The following SLC39A8 variants were observed in gnomAD, a reference collection of about 807,000 sequenced individuals.
SLC39A8 encodes metal cation symporter ZIP8.
Under a neutral mutation model 40.4 loss-of-function variants are expected in SLC39A8, and 15 were observed. The ratio of observed to expected loss-of-function variants is 0.37; its 90% confidence interval spans 0.25 to 0.57. The LOEUF (loss-of-function observed/expected upper bound fraction) is 0.57. Ranked by LOEUF, SLC39A8 falls within the 20% of genes least tolerant of loss-of-function variation. The pLI, the probability that SLC39A8 is intolerant of heterozygous loss-of-function variation, is 0.75. For missense variants in SLC39A8, 472 were observed against 558.8 expected (o/e 0.84, Z 1.57); for synonymous variants, 223 against 221.6 (o/e 1.01, Z -0.06).
chr4:102,326,179 C>G (rs1409850880), intron 2 of SLC39A8, among the ~76,000 whole-genome samples: 3 of 152,172 alleles, frequency 2.0e-5, no homozygotes, highest in African/African-American at 7.2e-5. Context: ...TTGATGTACA[C>G]CAAGGGTTTC....
Position 102,345,016 on chromosome 4 carries a change from C to G in SLC39A8, c.-253-101G>C, listed in dbSNP as rs1736115966. The G allele has an allele frequency of 7.0e-6, 5 of 716,792 alleles. No homozygotes were observed. In the South Asian group the frequency reaches 3.1e-4, roughly 45 times the overall value. 44.4% of individuals were successfully genotyped at this position (716,792 alleles called of 1,614,324 possible). A position where few individuals can be genotyped will look rare whatever the true frequency, so the allele number is the denominator to read the frequency against. On this transcript the variant is annotated intron_variant, in intron 1 of 8. Coordinates refer to ENST00000356736, the MANE Select transcript of SLC39A8 (RefSeq NM_001135146.2). Reference sequence around the variant, plus strand: ...GTGGCAGTAGCCCTCAAACGCCCGGCCGGGCATGGGGCCAGACGCCCCGGA... The same window carrying G: ...GTGGCAGTAGCCCTCAAACGCCCGGGCGGGCATGGGGCCAGACGCCCCGGA...
intron 6 of SLC39A8, among the ~76,000 whole-genome samples, chr4:102,292,868 T>A (rs1733511085): frequency 6.6e-6 from 1 of 152,052 alleles, no homozygotes; most frequent in African/African-American, 2.4e-5. Context: ...TTTCATTTAA[T>A]CCTCATAATA....
chr4:102,340,062 A>G (rs1044146251), intron 2 of SLC39A8, among the ~76,000 whole-genome samples: 2 of 152,212 alleles, frequency 1.3e-5, no homozygotes, highest in Non-Finnish European at 2.9e-5. Flanking sequence ...CATTATAATT[A>G]TATGTGCATA....
At chr4:102,289,607 G>A (rs1442371122) in intron 6 of SLC39A8, among the ~76,000 whole-genome samples, 1 of 152,106 alleles carries the variant, frequency 6.6e-6, no homozygotes, top group East Asian at 1.9e-4. Flanking sequence ...ATGGGAGGAG[G>A]TCAAAATATC....
chr4:102,305,919 TAGA>T (rs1734153133), intron 4 of SLC39A8, among the ~76,000 whole-genome samples: 1 of 152,006 alleles, frequency 6.6e-6, no homozygotes, highest in African/African-American at 2.4e-5. Context: ...TGAAGCAGAA[TAGA>T]AGATGTCTGG....
intron 2 of SLC39A8, among the ~76,000 whole-genome samples, chr4:102,338,186 C>CTTTTTTTTTT (rs568941438): frequency 7.6e-6 from 1 of 131,220 alleles, no homozygotes; most frequent in Non-Finnish European, 1.7e-5. Context: ...CATCTTATTT[C>CTTTTTTTTTT]TTTTTTTTTT....
chr4:102,267,394 T>C, intron 8 of SLC39A8, 96 bp downstream of exon 8: 3 of 1,141,538 alleles, frequency 2.6e-6, no homozygotes, highest in African/African-American at 1.6e-5. Flanking sequence ...CCTTCCACAC[T>C]GCGGAAAGCA....
At chr4:102,308,065 T>C (rs1055244337) in intron 3 of SLC39A8, among the ~76,000 whole-genome samples, 2 of 151,954 alleles carry the variant, frequency 1.3e-5, no homozygotes, top group African/African-American at 4.8e-5. Context: ...TGGGTCACAG[T>C]GAGCTAGCTT....
At chr4:102,253,278 A>G in exon 12 of SLC39A8, 1 of 471,740 alleles carries the variant, frequency 2.1e-6, no homozygotes, top group Non-Finnish European at 3.9e-6. Flanking sequence ...TATCTTCCTT[A>G]CTCCTTTTGA....
rs1731891200 is a variant in SLC39A8, at chr4:102,262,107, G to A, written c.*937C>T. On this transcript the variant is annotated 3_prime_UTR_variant, in exon 9 of 9. Transcript: ENST00000356736. ...GTTTTCCAGTTAATCTGTCCTTGAT[G>A]TACAGCAGTCCAGCTGTTGTTTTGC... 3 of 985,810 alleles carry A rather than the reference G, an allele frequency of 3.0e-6. No individual in the cohort carries two copies. Among genetic ancestry groups the A allele is most frequent in the South Asian group, 9.4e-5 (2 of 21,288 alleles). The allele number at this position is 985,810 out of a possible 1,614,324, so 61.1% of individuals were successfully genotyped here.
chr4:102,257,844 T>G (rs1167525858), downstream of SLC39A8, among the ~76,000 whole-genome samples: 1 of 152,224 alleles, frequency 6.6e-6, no homozygotes, highest in Non-Finnish European at 1.5e-5. Context: ...CAGAATTCCT[T>G]TAGCACCCAT....
chr4:102,307,617 A>G lies in SLC39A8; in HGVS notation c.383-12T>C. On this transcript the variant is annotated splice_polypyrimidine_tract_variant and intron_variant, in intron 3 of 8. Coordinates refer to ENST00000356736, the MANE Select transcript of SLC39A8 (RefSeq NM_001135146.2). ...TCCATATCCCCAAACTGTGGGTCAGAGGGAAAAGAGAGTAGAAATTAATCA... is the reference window on the plus strand; with the variant it reads ...TCCATATCCCCAAACTGTGGGTCAGGGGGAAAAGAGAGTAGAAATTAATCA... 6.2e-7 allele frequency: 1 copy of G among 1,607,538 alleles called. No homozygotes were observed. The highest frequency in any genetic ancestry group is 1.7e-4 in the Middle Eastern group (1 of 6,030).
chr4:102,283,024 C>A (rs1004511952), intron 6 of SLC39A8, among the ~76,000 whole-genome samples: 6 of 152,204 alleles, frequency 3.9e-5, no homozygotes, highest in Non-Finnish European at 8.8e-5. Context: ...CCACACCCAG[C>A]CCTCAAGGCA....
chr4:102,322,469 C>T (rs1248335207), intron 2 of SLC39A8, among the ~76,000 whole-genome samples: 1 of 152,012 alleles, frequency 6.6e-6, no homozygotes, highest in Non-Finnish European at 1.5e-5. Flanking sequence ...TGAATGAATG[C>T]TACATCATAA....
intron 8 of SLC39A8, among the ~76,000 whole-genome samples, chr4:102,263,895 C>A (rs1731974322): frequency 6.6e-6 from 1 of 152,176 alleles, no homozygotes; most frequent in South Asian, 2.1e-4. Flanking sequence ...CACGAGATTG[C>A]AGCAATTCAG....
At chr4:102,257,339 G>A (rs1173328163), downstream of SLC39A8, among the ~76,000 whole-genome samples, 1 of 151,964 alleles carries the variant, frequency 6.6e-6, no homozygotes, top group African/African-American at 2.4e-5. Flanking sequence ...ATTTTTAATT[G>A]TATTTCATTT....
intron 4 of SLC39A8, among the ~76,000 whole-genome samples, chr4:102,305,577 T>C (rs905101310): frequency 6.6e-6 from 1 of 152,010 alleles, no homozygotes; most frequent in African/African-American, 2.4e-5. Flanking sequence ...CTTGGATTAC[T>C]GTTTTCCCAA....
intron 3 of SLC39A8, among the ~76,000 whole-genome samples, chr4:102,311,351 T>A (rs921205334): frequency 1.3e-5 from 2 of 152,124 alleles, no homozygotes; most frequent in African/African-American, 4.8e-5. Context: ...AATTAGTAAG[T>A]AGACCATGAT....
chr4:102,306,798 C>T (rs572236302), intron 4 of SLC39A8, among the ~76,000 whole-genome samples: 1 of 152,074 alleles, frequency 6.6e-6, no homozygotes, highest in South Asian at 2.1e-4. Flanking sequence ...CATTTCTCTT[C>T]CTTATATGGG....
Sources: allele counts gnomAD v4.1 joint callset (sites outside exome capture counted in the v4.1 genomes callset), GRCh38; gene constraint gnomAD v4.1.1; transcripts MANE v1.5; gene names NCBI Gene and HGNC (gene_info 2026-07-23, HGNC 2026-07-21).